The following FNDC3B variants were observed in gnomAD, a reference collection of about 807,000 sequenced individuals.
FNDC3B encodes fibronectin type III domain containing 3B.
In FNDC3B, 12 loss-of-function variants were observed where a neutral mutation model predicts 151.5. The observed-to-expected ratio is 0.08, with a 90% confidence interval of 0.05 to 0.13. The LOEUF (loss-of-function observed/expected upper bound fraction) is 0.13, where lower values mean the gene tolerates loss of function less well. FNDC3B is among the 10% of genes least tolerant of loss of function. The probability of loss-of-function intolerance (pLI) is 1.00; values close to 1 mark genes in which losing one functional copy is unlikely to be tolerated. For missense variants in FNDC3B, 1,214 were observed against 1,505.3 expected, an observed-to-expected ratio of 0.81 and a Z score of 3.20; for synonymous variants, 528 against 549.0, an observed-to-expected ratio of 0.96 and a Z score of 0.54.
intron 1 of FNDC3B, among the ~76,000 whole-genome samples, chr3:172,093,414 G>A (rs1025815621): frequency 3.3e-5 from 5 of 151,622 alleles, no homozygotes; most frequent in East Asian, 3.9e-4. Context: ...GCCCGCCACC[G>A]CACCCGGCTA....
chr3:172,362,352 A>ATCT (rs1734407900), intron 22 of FNDC3B, among the ~76,000 whole-genome samples: 1 of 149,606 alleles, frequency 6.7e-6, no homozygotes, highest in East Asian at 2.0e-4. Context: ...TCTTTAAGAT[A>ATCT]TCTTCCCTGA....
At chr3:172,231,395 C>G (rs1203147904) in intron 4 of FNDC3B, among the ~76,000 whole-genome samples, 1 of 152,096 alleles carries the variant, frequency 6.6e-6, no homozygotes. Flanking sequence ...ACACTAAAAC[C>G]TACTAAATTG....
intron 1 of FNDC3B, among the ~76,000 whole-genome samples, chr3:172,096,471 C>T (rs1719097239): frequency 1.3e-5 from 2 of 152,102 alleles, no homozygotes; most frequent in African/African-American, 2.4e-5. Flanking sequence ...AGTGGACATA[C>T]CTGTTGTATC....
intron 1 of FNDC3B, among the ~76,000 whole-genome samples, chr3:172,095,642 T>TAGAA (rs1283976878): frequency 6.6e-6 from 1 of 152,230 alleles, no homozygotes; most frequent in African/African-American, 2.4e-5. Context: ...CTCTTTGTTC[T>TAGAA]GTGTACTATT....
chr3:172,149,806 GTTTTTTTTTTTTTT>G (rs10561622), intron 3 of FNDC3B, among the ~76,000 whole-genome samples: 9 of 52,460 alleles, frequency 1.7e-4, no homozygotes, highest in African/African-American at 7.1e-4. Flanking sequence ...TATGTTGGGT[GTTTTTTTTTTTTTT>G]TTTTTTTTTT....
Position 172,330,667 on chromosome 3 carries a change from A to G in FNDC3B, c.1506A>G (p.Ser502=), listed in dbSNP as rs138074657. The G allele has an allele frequency of 3.9e-4, 633 of 1,614,104 alleles. 2 individuals are homozygous for G. The highest frequency in any genetic ancestry group is 6.9e-4 in the South Asian group (63 of 91,066). The change falls in exon 13 of 26, where the codon TCA becomes TCG. Residue 502 remains serine, a synonymous_variant. Coordinates refer to ENST00000415807, the MANE Select transcript of FNDC3B (RefSeq NM_022763.4). ...AGTGGAGTAAGCCAGAAGGCTGTTC[A>G]CCCGAGGAAGTGATCACCTACACCT... ...TLQWSKPEGC[S]PEEVITYTLE... is the part of the protein sequence containing the mutation.
At chr3:172,240,538 A>G (rs957803640) in intron 4 of FNDC3B, among the ~76,000 whole-genome samples, 1 of 152,168 alleles carries the variant, frequency 6.6e-6, no homozygotes, top group Non-Finnish European at 1.5e-5. Flanking sequence ...TTGTTTACCT[A>G]TTTACTTCTC....
At chr3:172,243,635 A>T (rs554759909) in intron 4 of FNDC3B, among the ~76,000 whole-genome samples, 28 of 152,304 alleles carry the variant, frequency 1.8e-4, no homozygotes, top group African/African-American at 6.7e-4. Flanking sequence ...GGAAGTCAAG[A>T]TGAGATTTGG....
chr3:172,389,384 C>G (rs558782587), intron 25 of FNDC3B, among the ~76,000 whole-genome samples: 5 of 151,952 alleles, frequency 3.3e-5, no homozygotes, highest in Admixed American at 6.6e-5. Flanking sequence ...AATTTGCTGA[C>G]TTTTAAGGAC....
chr3:172,273,916 T>G (rs1403780369), intron 6 of FNDC3B, among the ~76,000 whole-genome samples: 1 of 151,942 alleles, frequency 6.6e-6, no homozygotes, highest in Non-Finnish European at 1.5e-5. Context: ...ACAGCGGTAG[T>G]TTATGGTCTG....
At chr3:172,278,514 A>G (rs1459294606) in intron 6 of FNDC3B, among the ~76,000 whole-genome samples, 2 of 152,248 alleles carry the variant, frequency 1.3e-5, no homozygotes, top group African/African-American at 2.4e-5. Flanking sequence ...TCAAAAACAC[A>G]GGGAAGAAGA....
chr3:172,086,380 T>A (rs11717882), intron 1 of FNDC3B, among the ~76,000 whole-genome samples: 88,140 of 151,012 alleles, frequency 0.58, 26,738 homozygotes, highest in East Asian at 0.78. Flanking sequence ...AAAGCTCTGC[T>A]TCCCTTTTAA....
intron 3 of FNDC3B, among the ~76,000 whole-genome samples, chr3:172,188,467 G>A (rs1319460611): frequency 6.6e-6 from 1 of 151,604 alleles, no homozygotes; most frequent in Non-Finnish European, 1.5e-5. Flanking sequence ...GTGTAGCGAC[G>A]CGATCTTGGC....
At chr3:172,079,841 A>T (rs1718192604) in intron 1 of FNDC3B, among the ~76,000 whole-genome samples, 1 of 152,028 alleles carries the variant, frequency 6.6e-6, no homozygotes, top group Non-Finnish European at 1.5e-5. Flanking sequence ...TCAAAAACAG[A>T]TAGTGGATTT....
intron 1 of FNDC3B, among the ~76,000 whole-genome samples, chr3:172,065,108 C>T (rs533066142): frequency 8.5e-5 from 13 of 152,182 alleles, no homozygotes; most frequent in Admixed American, 5.9e-4. Flanking sequence ...CTGAGGCGGA[C>T]GGATCATGAG....
intron 1 of FNDC3B, among the ~76,000 whole-genome samples, chr3:172,089,132 T>C (rs1718687759): frequency 6.6e-6 from 1 of 152,196 alleles, no homozygotes; most frequent in Admixed American, 6.5e-5. Context: ...CTAATACCCA[T>C]AGGACAAAGT....
rs1401547583 is a variant in FNDC3B at position 172,353,000 on chromosome 3, C to T, written c.2712C>T (p.Thr904=). ...ACGGATCTGAAATCCTTGCTTACAC[C>T]ATTGATCTAGGAGACACTAGCATTA... ...CNNGSEILAY[T]IDLGDTSITV... Residue 904 remains threonine, a synonymous_variant, in exon 22 of 26, where the codon ACC becomes ACT. Coordinates refer to ENST00000415807, the MANE Select transcript of FNDC3B (RefSeq NM_022763.4). This position sits in a 1 kb window ranked among gnomAD's most constrained non-coding sequence, Gnocchi z 4.2. The T allele has an allele frequency of 6.8e-6, 11 of 1,614,132 alleles. No homozygotes were observed. Among genetic ancestry groups the T allele is most frequent in the East Asian group, 2.2e-5 (1 of 44,876 alleles).
chr3:172,074,023 C>T (rs1056856649), intron 1 of FNDC3B, among the ~76,000 whole-genome samples: 4 of 152,142 alleles, frequency 2.6e-5, no homozygotes, highest in African/African-American at 9.7e-5. Flanking sequence ...GAAAGGGATG[C>T]AACACAGGAT....
chr3:172,258,174 A>G (rs911761167), intron 6 of FNDC3B, among the ~76,000 whole-genome samples: 3 of 152,214 alleles, frequency 2.0e-5, no homozygotes, highest in Non-Finnish European at 4.4e-5. Flanking sequence ...AAATGAACGT[A>G]CAGCATACTC....
Sources: gnomAD v4.1 joint callset for allele counts (sites outside exome capture counted in the v4.1 genomes callset) on GRCh38, gnomAD v4.1.1 for gene constraint, Gnocchi (gnomAD v3.1) non-coding constraint, MANE v1.5 for transcripts, NCBI Gene and HGNC (gene_info 2026-07-23, HGNC 2026-07-21) for gene names.